Variants in CLASP1 observed in about 807,000 individuals in gnomAD.
CLASP1 encodes the protein CLIP-associating protein 1.
Under a neutral mutation model 192.3 loss-of-function variants are expected in CLASP1, and 38 were observed. The ratio of observed to expected loss-of-function variants is 0.20; its 90% CI spans 0.15 to 0.26. The LOEUF (loss-of-function observed/expected upper bound fraction) is 0.26. Ranked by LOEUF, CLASP1 falls within the 10% of genes least tolerant of loss-of-function variation. CLASP1 has a pLI of 1.00. For synonymous variants in CLASP1, 691 were observed against 712.8 expected, an observed-to-expected ratio of 0.97 and a Z score of 0.49; for missense variants, 1,433 against 1,932.5, an observed-to-expected ratio of 0.74 and a Z score of 4.85.
chr2:121,454,305 T>C (rs2086185079), intron 14 of CLASP1, among the ~76,000 whole-genome samples: 1 of 152,032 alleles, frequency 6.6e-6, no homozygotes, highest in Non-Finnish European at 1.5e-5. Context: ...AGATAACAGG[T>C]AGCTTGTTCT....
At chr2:121,530,731 GAA>G (rs1407024367) in intron 2 of CLASP1, 4 of 516,952 alleles carry the variant, frequency 7.7e-6, no homozygotes, top group Non-Finnish European at 1.4e-5. Flanking sequence ...GGGAGCCTCA[GAA>G]AACAAAGAAT....
chr2:121,478,889 A>ACAC (rs746771259), intron 8 of CLASP1, among the ~76,000 whole-genome samples: 3,234 of 10,658 alleles, frequency 0.3, 103 homozygotes, highest in African/African-American at 0.35. Context: ...CACACACACC[A>ACAC]CACACACACA....
chr2:121,445,882 C>G (rs2084237385), intron 19 of CLASP1, among the ~76,000 whole-genome samples: 1 of 152,142 alleles, frequency 6.6e-6, no homozygotes, highest in South Asian at 2.1e-4. Context: ...TTTTTACTCA[C>G]TTTTTCCAAC....
intron 2 of CLASP1, among the ~76,000 whole-genome samples, chr2:121,562,534 C>CA (rs2059177415): frequency 6.6e-6 from 1 of 152,212 alleles, no homozygotes; most frequent in Non-Finnish European, 1.5e-5. Flanking sequence ...CACTGAGAGT[C>CA]CTATGACTCC....
chr2:121,504,730 C>T (rs1281723829), intron 7 of CLASP1, among the ~76,000 whole-genome samples: 1 of 152,198 alleles, frequency 6.6e-6, no homozygotes, highest in Non-Finnish European at 1.5e-5. Context: ...GGGGGATGAA[C>T]CAGCCTGATG....
At chr2:121,589,630 C>CACAA (rs2062141716) in intron 2 of CLASP1, among the ~76,000 whole-genome samples, 1 of 64,294 alleles carries the variant, frequency 1.6e-5, no homozygotes, top group African/African-American at 5.1e-5. Context: ...AACTCTGTCT[C>CACAA]AAAAAAAAAA....
At chr2:121,428,160 A>G (rs2080768647) in intron 20 of CLASP1, among the ~76,000 whole-genome samples, 1 of 152,174 alleles carries the variant, frequency 6.6e-6, no homozygotes, top group African/African-American at 2.4e-5. Context: ...TTAAAGCTCT[A>G]TTATCACCCT....
chr2:121,493,816 A>G (rs1194059945), intron 8 of CLASP1, among the ~76,000 whole-genome samples: 2 of 152,250 alleles, frequency 1.3e-5, no homozygotes, highest in Non-Finnish European at 2.9e-5. Flanking sequence ...GAAAGAAGAC[A>G]CACAAATGGC....
At chr2:121,403,620 G>A (rs188781660) in intron 26 of CLASP1, among the ~76,000 whole-genome samples, 12 of 152,220 alleles carry the variant, frequency 7.9e-5, no homozygotes, top group African/African-American at 2.4e-4. Flanking sequence ...TCCTCTAAAA[G>A]CATCTAATAG....
At chr2:121,637,262 G>C (rs1184599552) in intron 1 of CLASP1, among the ~76,000 whole-genome samples, 1 of 152,098 alleles carries the variant, frequency 6.6e-6, no homozygotes, top group Non-Finnish European at 1.5e-5. Context: ...AAGAAAATAA[G>C]GAAAGAGGAG....
intron 8 of CLASP1, among the ~76,000 whole-genome samples, chr2:121,500,167 C>G (rs1443266026): frequency 2.6e-5 from 4 of 151,450 alleles, no homozygotes; most frequent in Non-Finnish European, 1.5e-5. Context: ...ATGGAGAAAG[C>G]AGAGGATGAA....
chr2:121,506,467 G>T (rs1042428422), intron 7 of CLASP1, among the ~76,000 whole-genome samples: 1 of 151,820 alleles, frequency 6.6e-6, no homozygotes, highest in Non-Finnish European at 1.5e-5. Flanking sequence ...AACAACTGGG[G>T]CAAAGAAGCT....
intron 25 of CLASP1, 74 bp from the exon 27 acceptor site, chr2:121,404,508 C>G: frequency 7.5e-7 from 1 of 1,342,206 alleles, no homozygotes; most frequent in Non-Finnish European, 1.0e-6. Flanking sequence ...ACTCTATTAC[C>G]CAGGCTAGAG....
At position 121,505,191 on chromosome 2, in the gene CLASP1, C is replaced by T. The variant is rs370519413; in HGVS notation, c.645-1957G>A. 10 of 152,238 alleles carry T rather than the reference C, an allele frequency of 6.6e-5. No individual in the cohort carries two copies. The South Asian group carries it at 1.9e-3, about 28-fold the overall frequency. The allele number at this position is 152,238 out of a possible 1,614,324, so 9.4% of individuals were successfully genotyped here. A position where few individuals can be genotyped will look rare whatever the true frequency, so the allele number is the denominator to read the frequency against. ...AAGGTATACCTCTAGTCTGGCTGTT[C>T]CTGAAATTACTGGAAGAAGGCAAGT... On this transcript the variant is annotated intron_variant, in intron 7 of 39. Coordinates refer to ENST00000263710, the Ensembl canonical transcript of CLASP1.
chr2:121,535,876 G>A (rs1281232683), intron 2 of CLASP1, among the ~76,000 whole-genome samples: 1 of 151,846 alleles, frequency 6.6e-6, no homozygotes, highest in East Asian at 2.0e-4. Flanking sequence ...TGCCCAGGCT[G>A]GTCTTGAACT....
intron 2 of CLASP1, among the ~76,000 whole-genome samples, chr2:121,594,376 T>C (rs1400105913): frequency 1.3e-5 from 2 of 149,988 alleles, no homozygotes; most frequent in Non-Finnish European, 2.9e-5. Context: ...GTCTCGTAAA[T>C]CAGGTATTAA....
chr2:121,513,817 A>G (rs1209882387), intron 7 of CLASP1, among the ~76,000 whole-genome samples: 2 of 152,222 alleles, frequency 1.3e-5, no homozygotes, highest in African/African-American at 4.8e-5. Context: ...TTCTATCAGG[A>G]ATGCTCCTTA....
chr2:121,588,917 G>C (rs559941564), intron 2 of CLASP1, among the ~76,000 whole-genome samples: 1 of 152,246 alleles, frequency 6.6e-6, no homozygotes, highest in East Asian at 1.9e-4. Flanking sequence ...ATGTCTCCCC[G>C]GCTACAATGC....
chr2:121,636,421 T>C (rs10175509), intron 1 of CLASP1, among the ~76,000 whole-genome samples: 34,546 of 150,526 alleles, frequency 0.23, 5,923 homozygotes, highest in African/African-American at 0.48. Context: ...CCCAACACTT[T>C]GGGAGGCCGA....
Sources: allele counts gnomAD v4.1 joint callset (sites outside exome capture counted in the v4.1 genomes callset), GRCh38; gene constraint gnomAD v4.1.1; transcripts MANE v1.5; gene names NCBI Gene and HGNC (gene_info 2026-07-23, HGNC 2026-07-21).